BSN: variants seen among roughly 807,000 people sequenced by gnomAD.
BSN encodes bassoon presynaptic cytomatrix protein.
In BSN, 57 loss-of-function variants were observed where a neutral mutation model predicts 264.8. The ratio of observed to expected loss-of-function variants is 0.22; its 90% confidence interval spans 0.17 to 0.27. BSN has a LOEUF of 0.27. BSN is among the 10% of genes least tolerant of loss of function. BSN has a pLI of 1.00. For missense variants in BSN, 4,615 were observed against 5,232.5 expected (o/e 0.88, Z 3.64); for synonymous variants, 2,059 against 2,137.3 (o/e 0.96, Z 1.01).
At chr3:49,648,065 C>G (rs1362398050) in intron 3 of BSN, among the ~76,000 whole-genome samples, 3 of 152,256 alleles carry the variant, frequency 2.0e-5, no homozygotes, top group Non-Finnish European at 4.4e-5. Context: ...AGCAAAGCAC[C>G]AGGGAGCATG....
At chr3:49,605,504 ATATTATATAAT>A (rs2052114722) in intron 1 of BSN, among the ~76,000 whole-genome samples, 1 of 5,948 alleles carries the variant, frequency 1.7e-4, no homozygotes, top group African/African-American at 6.6e-4. Flanking sequence ...TATATAATAT[ATATTATATAAT>A]ATATATATAA....
Position 49,653,683 on chromosome 3 carries a change from AGG to A in BSN, c.4129_4130del (p.Gly1377ProfsTer32). 1 of 1,613,094 alleles carries A rather than the reference AGG, an allele frequency of 6.2e-7. No homozygotes were observed. The highest frequency in any genetic ancestry group is 8.5e-7 in the Non-Finnish European group (1 of 1,179,668). On this transcript the variant is annotated frameshift_variant, in exon 5 of 12. Coordinates refer to ENST00000296452, the MANE Select transcript of BSN (RefSeq NM_003458.4). LOFTEE classifies it high-confidence loss of function. The surrounding 1 kb of genome is among the most constrained non-coding windows in gnomAD (Gnocchi z 6.3). ...AAGGAGATAGGCATGCCCTTTTCCC[AGG>A]GCCCTGGGACCCCAGCCACCACAGC...
intron 1 of BSN, among the ~76,000 whole-genome samples, chr3:49,610,303 G>C (rs1200646308): frequency 6.6e-6 from 1 of 152,150 alleles, no homozygotes; most frequent in East Asian, 1.9e-4. Context: ...GCAAGGCAAA[G>C]GTAGAGTTCA....
intron 1 of BSN, among the ~76,000 whole-genome samples, chr3:49,564,361 A>G (rs1205756683): frequency 6.6e-6 from 1 of 152,206 alleles, no homozygotes; most frequent in Non-Finnish European, 1.5e-5. Context: ...ACACAGCCCA[A>G]GTGTGAATCT....
chr3:49,654,445 A>G lies in BSN; in HGVS notation c.4889A>G (p.Tyr1630Cys). 6.2e-7 allele frequency: 1 copy of G among 1,602,966 alleles called. No individual in the cohort carries two copies. Among genetic ancestry groups the G allele is most frequent in the Non-Finnish European group, 8.5e-7 (1 of 1,175,190 alleles). ...GGTGCAGATGGGCCCCTGGCACTATATGGCTGGGGTGCCCTCCCTGCTGAG... is the reference window on the plus strand; with the variant it reads ...GGTGCAGATGGGCCCCTGGCACTATGTGGCTGGGGTGCCCTCCCTGCTGAG... Reference protein sequence around the residue: ...SAGADGPLALYGWGALPAENI... With the variant: ...SAGADGPLALCGWGALPAENI... Residue 1630 changes from tyrosine (Y) to cysteine (C), a missense_variant, in exon 5 of 12, where the codon TAT (tyrosine) becomes TGT (cysteine). Tyr to Cys is a radical substitution (Grantham distance 194). Coordinates refer to ENST00000296452, the MANE Select transcript of BSN (RefSeq NM_003458.4). This position sits in a 1 kb window ranked among gnomAD's most constrained non-coding sequence, Gnocchi z 4.1.
At chr3:49,584,533 C>T (rs1344037712) in intron 1 of BSN, among the ~76,000 whole-genome samples, 1 of 151,650 alleles carries the variant, frequency 6.6e-6, no homozygotes, top group Non-Finnish European at 1.5e-5. Context: ...TTATAAGGTA[C>T]CTGAGATGTT....
rs559401458 is a variant in BSN at position 49,662,149 on chromosome 3, G to A, written c.10304G>A (p.Arg3435His). 2.5e-5 allele frequency: 41 copies of A among 1,613,434 alleles called. No homozygotes were observed. The highest frequency in any genetic ancestry group is 1.6e-4 in the Middle Eastern group (1 of 6,062). Residue 3435 changes from arginine (R) to histidine (H), a missense_variant, in exon 6 of 12, where the codon CGC becomes CAC. Arg to His is a conservative substitution (Grantham distance 29). Coordinates refer to ENST00000296452, the MANE Select transcript of BSN (RefSeq NM_003458.4). ...MSSRDAVEDD[R>H]IYGGSSRSRA... Reference sequence around the variant, plus strand: ...AGCCGGGACGCAGTGGAGGACGACCGCATTTATGGCGGGAGCAGCCGGTCC... The same window carrying A: ...AGCCGGGACGCAGTGGAGGACGACCACATTTATGGCGGGAGCAGCCGGTCC...
rs1209550733 is a variant in BSN at position 49,585,552 on chromosome 3, C to G, written c.224+30726C>G. On this transcript the variant is annotated intron_variant, in intron 1 of 11. Coordinates refer to ENST00000296452, the MANE Select transcript of BSN (RefSeq NM_003458.4). This position sits in a 1 kb window ranked among gnomAD's most constrained non-coding sequence, Gnocchi z 4.7. ...TGGCCACACATCCTTGCCTCCTCCA[C>G]CCGGTCCGCCGCCGGTTTCCTTGGA... is the stretch of plus-strand genomic sequence containing the variant. Among the ~76,000 whole-genome samples the G allele has an allele frequency of 6.6e-6, 1 of 152,224 alleles. No homozygotes were observed. Among genetic ancestry groups the G allele is most frequent in the Non-Finnish European group, 1.5e-5 (1 of 68,036 alleles).
chr3:49,603,141 G>A (rs2052085167), intron 1 of BSN, among the ~76,000 whole-genome samples: 1 of 146,846 alleles, frequency 6.8e-6, no homozygotes, highest in Admixed American at 6.6e-5. Context: ...CCCCTCCACT[G>A]CTGGCCCCTC....
At chr3:49,587,677 CCT>C (rs2051946366) in intron 1 of BSN, among the ~76,000 whole-genome samples, 1 of 152,028 alleles carries the variant, frequency 6.6e-6, no homozygotes, top group South Asian at 2.1e-4. Context: ...TGATTTGCTC[CCT>C]GTGTAGATGA....
chr3:49,623,030 T>C (rs1409931723), intron 1 of BSN, among the ~76,000 whole-genome samples: 1 of 152,112 alleles, frequency 6.6e-6, no homozygotes, highest in African/African-American at 2.4e-5. Context: ...ACCAAGGATA[T>C]GTTTCTCTAC....
At chr3:49,557,616 C>A (rs188008271) in intron 1 of BSN, among the ~76,000 whole-genome samples, 1 of 139,924 alleles carries the variant, frequency 7.1e-6, no homozygotes, top group Admixed American at 7.6e-5. Context: ...CTCGCTCTGT[C>A]GCCCAGGCTG....
intron 1 of BSN, among the ~76,000 whole-genome samples, chr3:49,568,899 A>G (rs2051774184): frequency 1.3e-5 from 2 of 152,338 alleles, no homozygotes; most frequent in South Asian, 4.1e-4. Context: ...CAGAAGCAAT[A>G]ATATTCAGGC....
chr3:49,616,902 G>A (rs2052263523), intron 1 of BSN, among the ~76,000 whole-genome samples: 1 of 152,174 alleles, frequency 6.6e-6, no homozygotes, highest in South Asian at 2.1e-4. Context: ...GGGACAGGAG[G>A]CCACAGGGTA....
Position 49,651,334 on chromosome 3 carries a change from T to G in BSN, c.1987-209T>G. On this transcript the variant is annotated intron_variant, in intron 4 of 11. Coordinates refer to ENST00000296452, the MANE Select transcript of BSN (RefSeq NM_003458.4). This position sits in a 1 kb window ranked among gnomAD's most constrained non-coding sequence, Gnocchi z 5.4. Reference sequence around the variant, plus strand: ...TTTGATACCCTTTGATCTAGTAAAGTTTCTCTTTGAAGACCAAGGGCTGGT... The same window carrying G: ...TTTGATACCCTTTGATCTAGTAAAGGTTCTCTTTGAAGACCAAGGGCTGGT... 1 of 645,790 alleles carries G rather than the reference T, an allele frequency of 1.5e-6. No individual in the cohort carries two copies. The highest frequency in any genetic ancestry group is 2.9e-5 in the East Asian group (1 of 34,948). 40.0% of individuals were successfully genotyped at this position (645,790 alleles called of 1,614,324 possible).
At chr3:49,634,802 A>G (rs2052408873) in intron 2 of BSN, among the ~76,000 whole-genome samples, 1 of 152,252 alleles carries the variant, frequency 6.6e-6, no homozygotes, top group Non-Finnish European at 1.5e-5. Context: ...TAAAATTACA[A>G]TTTAATATTT....
In BSN at chr3:49,663,315, TGACAGCAAGAAG is replaced by T. The variant is rs2052681225; in HGVS notation, c.11159_11170del (p.Asp3720_Lys3723del). 2 of 1,613,916 alleles carry T rather than the reference TGACAGCAAGAAG, an allele frequency of 1.2e-6. No individual in the cohort carries two copies. The highest frequency in any genetic ancestry group is 1.3e-5 in the African/African-American group (1 of 74,954). On this transcript the variant is annotated inframe_deletion, in exon 7 of 12. Transcript: ENST00000296452. ...CTTCATCCGCATACCATCATGCCTCTGACAGCAAGAAGGGCTCCCGGCAAGCCCACTCCGGGC... is the reference window on the plus strand; with the variant it reads ...CTTCATCCGCATACCATCATGCCTCTGGCTCCCGGCAAGCCCACTCCGGGC...
chr3:49,628,073 A>G (rs2052355724), intron 2 of BSN, among the ~76,000 whole-genome samples: 1 of 152,376 alleles, frequency 6.6e-6, no homozygotes, highest in Non-Finnish European at 1.5e-5. Flanking sequence ...TAGCAGTCCC[A>G]GAGAAGGACG....
In BSN at chr3:49,625,390, A is replaced by C; in HGVS notation, c.633+7A>C. 4.1e-6 allele frequency: 6 copies of C among 1,461,770 alleles called. No individual in the cohort carries two copies. In the South Asian group the frequency reaches 7.4e-5, roughly 18 times the overall value. 90.5% of individuals were successfully genotyped at this position (1,461,770 alleles called of 1,614,324 possible). On this transcript the variant is annotated splice_region_variant and intron_variant, in intron 2 of 11. Coordinates refer to ENST00000296452, the MANE Select transcript of BSN (RefSeq NM_003458.4). This position sits in a 1 kb window ranked among gnomAD's most constrained non-coding sequence, Gnocchi z 4.4. ...CAACCCTCATCTCACCCAGGTAACC[A>C]CTTCTGCGCCGGCTCCCCACTCACC...
Sources: gnomAD v4.1 joint callset for allele counts (sites outside exome capture counted in the v4.1 genomes callset) on GRCh38, gnomAD v4.1.1 for gene constraint, Gnocchi (gnomAD v3.1) non-coding constraint, MANE v1.5 for transcripts, NCBI Gene and HGNC (gene_info 2026-07-23, HGNC 2026-07-21) for gene names.